FUT9: variants seen among roughly 807,000 people sequenced by gnomAD.
The protein encoded by FUT9 is fucosyltransferase 9.
A neutral mutation model predicts 29.7 loss-of-function variants in FUT9; 15 were observed. The ratio of observed to expected loss-of-function variants is 0.51; its 90% CI spans 0.34 to 0.78. The LOEUF (loss-of-function observed/expected upper bound fraction) is 0.78, where lower values mean the gene tolerates loss of function less well. FUT9 is among the 30% of genes least tolerant of loss of function. The pLI is 0.01. For missense variants in FUT9, 319 were observed against 425.4 expected (o/e 0.75, Z 2.20); for synonymous variants, 169 against 153.7 (o/e 1.10, Z -0.74).
At chr6:96,170,801 A>G (rs4548016) in intron 2 of FUT9, among the ~76,000 whole-genome samples, 138,807 of 152,222 alleles carry the variant, frequency 0.91, 64,659 homozygotes, top group Non-Finnish European at 1. Context: ...ACATTTGGGG[A>G]TTGTGCTCTG....
intron 1 of FUT9, among the ~76,000 whole-genome samples, chr6:96,044,833 C>T (rs1307653876): frequency 6.6e-6 from 1 of 152,028 alleles, no homozygotes; most frequent in Non-Finnish European, 1.5e-5. Context: ...ATAAATTAAT[C>T]ATTTTAATTA....
intron 1 of FUT9, among the ~76,000 whole-genome samples, chr6:96,109,019 G>T (rs1304234067): frequency 1.3e-5 from 2 of 152,046 alleles, no homozygotes; most frequent in Non-Finnish European, 2.9e-5. Flanking sequence ...AAAGCTTAAA[G>T]ACCAGTCATA....
intron 1 of FUT9, among the ~76,000 whole-genome samples, chr6:96,091,188 C>G (rs949477442): frequency 6.6e-6 from 1 of 151,958 alleles, no homozygotes. Context: ...TTATTTGACT[C>G]TCATGCAAAT....
chr6:96,102,169 G>A (rs968196472), intron 1 of FUT9, among the ~76,000 whole-genome samples: 3 of 151,960 alleles, frequency 2.0e-5, no homozygotes, highest in Non-Finnish European at 4.4e-5. Context: ...GTTATTGAGA[G>A]ATCGTTGTTT....
chr6:96,017,666 G>T (rs981367668), intron 1 of FUT9, among the ~76,000 whole-genome samples: 1 of 152,048 alleles, frequency 6.6e-6, no homozygotes, highest in Non-Finnish European at 1.5e-5. Context: ...TAAGCAATAC[G>T]GATAAGAATA....
chr6:96,203,697 A>C lies in FUT9; in HGVS notation c.542A>C (p.Glu181Ala). ...LTVSTNPFVF[E>A]VPSKEKLVCW... The stretch of plus-strand genomic sequence containing the variant: ...GTAAGCACAAATCCCTTCGTGTTTG[A>C]AGTGCCAAGCAAAGAGAAATTGGTG... The change falls in exon 3 of 3, where the codon GAA becomes GCA. Residue 181 changes from glutamate to alanine, a missense_variant. Glu to Ala is a moderately radical substitution (Grantham distance 107). Coordinates refer to ENST00000302103, the MANE Select transcript of FUT9 (RefSeq NM_006581.4). The C allele has an allele frequency of 6.2e-7, 1 of 1,614,004 alleles. No individual in the cohort carries two copies. Among genetic ancestry groups the C allele is most frequent in the African/African-American group, 1.3e-5 (1 of 75,028 alleles).
In FUT9 at chr6:96,097,424, T is replaced by G. The variant is rs542285943; in HGVS notation, c.-97-16615T>G. Among the ~76,000 whole-genome samples, 9 of 152,070 alleles carry G rather than the reference T, an allele frequency of 5.9e-5. No homozygotes were observed. The South Asian group carries it at 1.9e-3, about 32-fold the overall frequency. On this transcript the variant is annotated intron_variant, in intron 1 of 2. Coordinates refer to ENST00000302103, the MANE Select transcript of FUT9 (RefSeq NM_006581.4). ...TACACCATGGAAATTAGCAAACAAG[T>G]CAGGGTTTATTAAATATGTACCTGA...
intron 1 of FUT9, among the ~76,000 whole-genome samples, chr6:96,064,349 G>T (rs1385825181): frequency 1.3e-5 from 2 of 152,134 alleles, no homozygotes; most frequent in Admixed American, 1.3e-4. Context: ...AGAGAGTATA[G>T]TAATGGATCA....
intron 2 of FUT9, among the ~76,000 whole-genome samples, chr6:96,121,153 G>T (rs1772020361): frequency 6.6e-6 from 1 of 152,006 alleles, no homozygotes; most frequent in South Asian, 2.1e-4. Context: ...ATTTACTTTT[G>T]CCTTGATAGT....
intron 1 of FUT9, among the ~76,000 whole-genome samples, chr6:96,034,129 C>G (rs1313955806): frequency 1.3e-5 from 2 of 151,594 alleles, no homozygotes; most frequent in African/African-American, 4.8e-5. Context: ...CTTCTTATTT[C>G]CATCTTAGTT....
At chr6:96,093,342 TTC>T (rs1361027457) in intron 1 of FUT9, among the ~76,000 whole-genome samples, 2 of 152,128 alleles carry the variant, frequency 1.3e-5, no homozygotes, top group African/African-American at 4.8e-5. Flanking sequence ...TGAAATAGCT[TTC>T]TCTTGATAAT....
chr6:96,075,848 G>A (rs1256619400), intron 1 of FUT9, among the ~76,000 whole-genome samples: 2 of 152,128 alleles, frequency 1.3e-5, no homozygotes, highest in African/African-American at 4.8e-5. Flanking sequence ...ACATACATAA[G>A]TAAAAGAATG....
intron 1 of FUT9, among the ~76,000 whole-genome samples, chr6:96,109,245 T>TTAG (rs1771752247): frequency 6.6e-6 from 1 of 152,236 alleles, no homozygotes; most frequent in Non-Finnish European, 1.5e-5. Flanking sequence ...GAGGTGTTTC[T>TTAG]AACAACACCA....
At chr6:96,020,774 A>T (rs1582409941) in intron 1 of FUT9, 3 of 152,144 alleles carry the variant, frequency 2.0e-5, no homozygotes, top group African/African-American at 7.2e-5. Context: ...GTGATCTTGC[A>T]CTGCTGGGTG....
intron 2 of FUT9, among the ~76,000 whole-genome samples, chr6:96,197,351 A>G (rs1773645343): frequency 6.6e-6 from 1 of 152,110 alleles, no homozygotes; most frequent in Admixed American, 6.6e-5. Context: ...TTACCCTTGG[A>G]AATACCAGGG....
intron 1 of FUT9, among the ~76,000 whole-genome samples, chr6:96,055,589 A>C (rs1468171978): frequency 6.6e-6 from 1 of 151,846 alleles, no homozygotes; most frequent in Middle Eastern, 3.4e-3. Flanking sequence ...CTAGGTAAAC[A>C]TGCATCATGG....
intron 1 of FUT9, among the ~76,000 whole-genome samples, chr6:96,059,385 C>T (rs1325424694): frequency 1.3e-5 from 2 of 152,194 alleles, no homozygotes; most frequent in Non-Finnish European, 2.9e-5. Context: ...AGTCCAACCA[C>T]TTGTGTGCAC....
chr6:96,132,542 G>A (rs1431732729), intron 2 of FUT9, among the ~76,000 whole-genome samples: 1 of 152,048 alleles, frequency 6.6e-6, no homozygotes, highest in Non-Finnish European at 1.5e-5. Context: ...TCACAAAAAA[G>A]CTGAAAATTG....
At chr6:96,115,622 A>T (rs1158400657) in intron 2 of FUT9, among the ~76,000 whole-genome samples, 2 of 152,206 alleles carry the variant, frequency 1.3e-5, no homozygotes, top group Non-Finnish European at 2.9e-5. Flanking sequence ...GGTAGTTTCC[A>T]TACTGGAAAC....
Sources: gnomAD v4.1 joint callset for allele counts (sites outside exome capture counted in the v4.1 genomes callset) on GRCh38, gnomAD v4.1.1 for gene constraint, MANE v1.5 for transcripts, NCBI Gene and HGNC (gene_info 2026-07-23, HGNC 2026-07-21) for gene names.